Variants in SNTG2 observed in about 807,000 individuals in gnomAD.
The protein encoded by SNTG2 is gamma-2-syntrophin.
In SNTG2, 74 loss-of-function variants were observed where a neutral mutation model predicts 70.9. The observed-to-expected ratio is 1.04, with a 90% CI of 0.86 to 1.27. The LOEUF (loss-of-function observed/expected upper bound fraction) is 1.27, where lower values mean the gene tolerates loss of function less well. Ranked by LOEUF, SNTG2 falls within the 50% of genes most tolerant of loss-of-function variation. The pLI is 0.00. For synonymous variants in SNTG2, 278 were observed against 273.8 expected, an observed-to-expected ratio of 1.02 and a Z score of -0.15; for missense variants, 717 against 690.7, an observed-to-expected ratio of 1.04 and a Z score of -0.43.
chr2:1,128,059 A>G (rs1477172420), intron 4 of SNTG2, among the ~76,000 whole-genome samples: 1 of 152,086 alleles, frequency 6.6e-6, no homozygotes, highest in Non-Finnish European at 1.5e-5. Context: ...ATTAAGCATA[A>G]TGTTAGCTGT....
chr2:998,861 G>GA (rs1374497332), intron 1 of SNTG2, among the ~76,000 whole-genome samples: 1 of 151,986 alleles, frequency 6.6e-6, no homozygotes, highest in Non-Finnish European at 1.5e-5. Flanking sequence ...ACAATGTGAA[G>GA]AAAAAAACTT....
chr2:1,285,994 A>T (rs1345330629), intron 14 of SNTG2, among the ~76,000 whole-genome samples: 1 of 152,168 alleles, frequency 6.6e-6, no homozygotes, highest in African/African-American at 2.4e-5. Flanking sequence ...TTTCATCTTG[A>T]TACTCCAGGT....
intron 9 of SNTG2, among the ~76,000 whole-genome samples, chr2:1,232,121 C>T (rs964558879): frequency 7.2e-5 from 11 of 152,018 alleles, no homozygotes; most frequent in Admixed American, 5.9e-4. Context: ...CAGCACTGCC[C>T]GGGGAAGTGA....
At chr2:1,360,477 T>C (rs1661077742) in intron 16 of SNTG2, among the ~76,000 whole-genome samples, 3 of 152,156 alleles carry the variant, frequency 2.0e-5, no homozygotes, top group Admixed American at 6.5e-5. Flanking sequence ...GGGTGGAAGT[T>C]CAAAAGGATC....
At chr2:996,193 A>G (rs1416642275) in intron 1 of SNTG2, among the ~76,000 whole-genome samples, 1 of 152,212 alleles carries the variant, frequency 6.6e-6, no homozygotes, top group Non-Finnish European at 1.5e-5. Context: ...TTTCTGGTCC[A>G]TACTGGGTTA....
intron 16 of SNTG2, among the ~76,000 whole-genome samples, chr2:1,324,420 G>A (rs1348044348): frequency 6.6e-6 from 1 of 152,014 alleles, no homozygotes; most frequent in Admixed American, 6.6e-5. Context: ...TGCATATAAG[G>A]ATTTTAATAA....
chr2:1,276,392 C>T (rs1312044769), intron 14 of SNTG2, among the ~76,000 whole-genome samples: 1 of 152,168 alleles, frequency 6.6e-6, no homozygotes, highest in Non-Finnish European at 1.5e-5. Context: ...CTTCATTTAC[C>T]ATTCTGAAAA....
Position 1,173,180 on chromosome 2 carries a change from C to A in SNTG2, c.588C>A (p.Thr196=). 6.2e-7 allele frequency: 1 copy of A among 1,613,398 alleles called. No homozygotes were observed. Among genetic ancestry groups the A allele is most frequent in the Non-Finnish European group, 8.5e-7 (1 of 1,179,372 alleles). The stretch of plus-strand genomic sequence containing the variant: ...TGCATCTGAACGGAAACTCCAGTAC[C>A]ACAGTAAGCATATAGATTTTTGTTA... ...SGLHLNGNSS[T]TAPSSPSSPI... is the part of the protein sequence containing the mutation. Residue 196 remains threonine (T), a synonymous_variant, in exon 8 of 17, where the codon ACC becomes ACA. Coordinates refer to ENST00000308624, the MANE Select transcript of SNTG2 (RefSeq NM_018968.4).
At chr2:1,239,658 G>A in intron 10 of SNTG2, 80 bp from the exon 11 acceptor site, 1 of 1,479,536 alleles carries the variant, frequency 6.8e-7, no homozygotes, top group East Asian at 2.3e-5. Context: ...GAGCGTGGCT[G>A]ATGACTTCCA....
At chr2:1,281,388 G>GGT (rs1417943617) in intron 14 of SNTG2, among the ~76,000 whole-genome samples, 1 of 47,308 alleles carries the variant, frequency 2.1e-5, no homozygotes, top group Non-Finnish European at 4.5e-5. Context: ...TGTGGTGTGT[G>GGT]GTGTGTGTTT....
chr2:1,072,840 A>G (rs1470411896), intron 1 of SNTG2, among the ~76,000 whole-genome samples: 1 of 152,192 alleles, frequency 6.6e-6, no homozygotes, highest in Non-Finnish European at 1.5e-5. Flanking sequence ...AGGTCAGAAT[A>G]TCATTAACAG....
At chr2:1,186,463 T>G (rs1020614336) in intron 8 of SNTG2, among the ~76,000 whole-genome samples, 1 of 152,326 alleles carries the variant, frequency 6.6e-6, no homozygotes, top group Middle Eastern at 3.4e-3. Context: ...CTCATATTGC[T>G]GTAAAGAAAT....
At chr2:1,235,935 G>A (rs1676624638) in intron 9 of SNTG2, among the ~76,000 whole-genome samples, 1 of 152,194 alleles carries the variant, frequency 6.6e-6, no homozygotes, top group Admixed American at 6.5e-5. Context: ...GGTGTTCACT[G>A]GTGAGTTGTG....
At chr2:1,134,241 G>A (rs1353164835) in intron 4 of SNTG2, among the ~76,000 whole-genome samples, 2 of 152,168 alleles carry the variant, frequency 1.3e-5, no homozygotes, top group Non-Finnish European at 2.9e-5. Context: ...CTTCCACAGT[G>A]TGGAAGGGGA....
At chr2:984,143 T>C (rs1340496053) in intron 1 of SNTG2, among the ~76,000 whole-genome samples, 1 of 152,184 alleles carries the variant, frequency 6.6e-6, no homozygotes, top group Non-Finnish European at 1.5e-5. Context: ...GAGGTGACGC[T>C]ATTGAATCAC....
At chr2:1,301,552 GA>G (rs1680456308) in intron 14 of SNTG2, among the ~76,000 whole-genome samples, 1 of 152,096 alleles carries the variant, frequency 6.6e-6, no homozygotes, top group Non-Finnish European at 1.5e-5. Flanking sequence ...TTAAGCTCAT[GA>G]AAACTAAAGA....
chr2:1,364,815 C>T (rs1661391910), intron 16 of SNTG2, among the ~76,000 whole-genome samples: 1 of 151,230 alleles, frequency 6.6e-6, no homozygotes, highest in African/African-American at 2.4e-5. Flanking sequence ...GAGGCTGAGG[C>T]AGGAGAATGG....
Position 1,238,676 on chromosome 2 carries a change from G to A in SNTG2, c.849+659G>A, listed in dbSNP as rs1265505751. Among the ~76,000 whole-genome samples the A allele has an allele frequency of 6.6e-5, 10 of 152,366 alleles. No individual in the cohort carries two copies. In the East Asian group the frequency reaches 1.9e-3, roughly 29 times the overall value. On this transcript the variant is annotated intron_variant, in intron 10 of 16. Transcript: ENST00000308624. ...AGCCGTGGCCGCAGCCCTGGCAACTGTGGCAGGACTGGCCGTGCCTGGAGG... is the reference window on the plus strand; with the variant it reads ...AGCCGTGGCCGCAGCCCTGGCAACTATGGCAGGACTGGCCGTGCCTGGAGG...
intron 14 of SNTG2, among the ~76,000 whole-genome samples, chr2:1,274,859 A>G (rs1289901507): frequency 6.6e-6 from 1 of 152,220 alleles, no homozygotes. Flanking sequence ...TGTTGCTGTA[A>G]CAGAATAGCT....
Sources: allele counts gnomAD v4.1 joint callset (sites outside exome capture counted in the v4.1 genomes callset), GRCh38; gene constraint gnomAD v4.1.1; transcripts MANE v1.5; gene names NCBI Gene and HGNC (gene_info 2026-07-23, HGNC 2026-07-21).